Variants in NIT2 observed in about 807,000 individuals in gnomAD.
The protein encoded by NIT2 is nitrilase family member 2.
Under a neutral mutation model 42.7 loss-of-function variants are expected in NIT2, and 46 were observed. That is an observed-to-expected ratio of 1.08 (90% CI 0.85 to 1.38). The LOEUF is 1.38. Ranked by LOEUF, NIT2 falls within the 40% of genes most tolerant of loss-of-function variation. The probability of loss-of-function intolerance (pLI) is 0.00; values close to 1 mark genes in which losing one functional copy is unlikely to be tolerated. For missense variants in NIT2, 309 were observed against 342.5 expected (o/e 0.90, Z 0.77); for synonymous variants, 123 against 121.9 (o/e 1.01, Z -0.06).
chr3:100,339,187 C>A lies in NIT2; in HGVS notation c.108C>A (p.Ala36=). 1 of 1,611,724 alleles carries A rather than the reference C, an allele frequency of 6.2e-7. No individual in the cohort carries two copies. The highest frequency in any genetic ancestry group is 1.1e-5 in the South Asian group (1 of 91,018). ...TCCGGGAGGCAGCAACGCAAGGAGC[C>A]AAAATAGTTTCTTTGCCGGTCAGTA... The part of the protein sequence containing the change: ...SFIREAATQG[A]KIVSLPECFN... Residue 36 remains alanine, a synonymous_variant, in exon 2 of 10, where the codon GCC becomes GCA. Coordinates refer to ENST00000394140, the MANE Select transcript of NIT2 (RefSeq NM_020202.5).
At position 100,357,393 on chromosome 3, in the gene NIT2, A is replaced by T. The variant is rs1030683695; in HGVS notation, c.*2125A>T. On this transcript the variant is annotated 3_prime_UTR_variant, in exon 10 of 10. Transcript: ENST00000394140. ...AATAGAAAGTCTTACTGTAAAGCCC[A>T]CATCTGTATAAAAAAATGAAAGAAT... 2 of 152,150 alleles carry T rather than the reference A, an allele frequency of 1.3e-5. No homozygotes were observed. The highest frequency in any genetic ancestry group is 4.8e-5 in the African/African-American group (2 of 41,440). The allele number at this position is 152,150 out of a possible 1,614,324, so 9.4% of individuals were successfully genotyped here.
rs560429863 is a variant in NIT2, at chr3:100,355,250, G to A, written c.813G>A (p.Val271=). 2.5e-6 allele frequency: 4 copies of A among 1,613,696 alleles called. No individual in the cohort carries two copies. The Admixed American group carries it at 6.7e-5, about 27-fold the overall frequency. The change falls in exon 10 of 10, where the codon GTG becomes GTA. Residue 271 remains valine, a synonymous_variant. Transcript: ENST00000394140. ...FRQKRSDLYA[V]EMKKP ...AGAAGCGATCAGACCTCTATGCTGT[G>A]GAGATGAAAAAGCCCTAAAGTTTAT... is the stretch of plus-strand genomic sequence containing the variant.
Position 100,339,123 on chromosome 3 carries a change from C to T in NIT2, c.44C>T (p.Ser15Phe). ...RLALIQLQIS[S>F]IKSDNVTRAC... ...GCCCTCATCCAGCTTCAGATTTCTT[C>T]CATCAAATCAGATAACGTCACTCGC... Residue 15 changes from serine (S) to phenylalanine (F), a missense_variant, in exon 2 of 10, where the codon TCC becomes TTC. Transcript: ENST00000394140. 6.2e-7 allele frequency: 1 copy of T among 1,614,030 alleles called. No homozygotes were observed. Among genetic ancestry groups the T allele is most frequent in the Non-Finnish European group, 8.5e-7 (1 of 1,179,920 alleles).
intron 4 of NIT2, among the ~76,000 whole-genome samples, chr3:100,342,372 C>T (rs1287490722): frequency 6.6e-6 from 1 of 152,002 alleles, no homozygotes; most frequent in Admixed American, 6.6e-5. Context: ...ATATTTAATG[C>T]ACTTATTGAT....
chr3:100,335,753 C>G (rs925880179), intron 1 of NIT2, among the ~76,000 whole-genome samples: 4 of 152,194 alleles, frequency 2.6e-5, no homozygotes, highest in Non-Finnish European at 5.9e-5. Flanking sequence ...CCTGTAATCC[C>G]AACAGTTTGG....
chr3:100,342,613 G>A (rs1019691688), intron 4 of NIT2, among the ~76,000 whole-genome samples: 2 of 150,216 alleles, frequency 1.3e-5, no homozygotes, highest in African/African-American at 4.9e-5. Context: ...ATCATTTCAT[G>A]TGAAATTTAA....
In NIT2 at chr3:100,361,541, T is replaced by C. The variant is rs1471370649; in HGVS notation, c.*6273T>C. On this transcript the variant is annotated 3_prime_UTR_variant, in exon 10 of 10. Transcript: ENST00000394140. ...CCAGTGATCAGCAGGCCCTCCAGCA[T>C]GAAGACCTTTGAGAAGGATCTATAG... 1 of 152,262 alleles carries C rather than the reference T, an allele frequency of 6.6e-6. No homozygotes were observed. The highest frequency in any genetic ancestry group is 1.5e-5 in the Non-Finnish European group (1 of 68,066). 9.4% of individuals were successfully genotyped at this position (152,262 alleles called of 1,614,324 possible). A position where few individuals can be genotyped will look rare whatever the true frequency, so the allele number is the denominator to read the frequency against.
intron 1 of NIT2, among the ~76,000 whole-genome samples, chr3:100,335,400 C>T (rs1187258929): frequency 6.6e-6 from 1 of 152,154 alleles, no homozygotes; most frequent in East Asian, 1.9e-4. Context: ...TTGTTGTTTC[C>T]TTCGCTCACA....
At chr3:100,339,595 C>G (rs1457902152) in intron 2 of NIT2, among the ~76,000 whole-genome samples, 1 of 152,048 alleles carries the variant, frequency 6.6e-6, no homozygotes, top group African/African-American at 2.4e-5. Flanking sequence ...TCTGGGAGAA[C>G]ACCTGTGATT....
chr3:100,353,409 G>A (rs1221130211), intron 8 of NIT2, among the ~76,000 whole-genome samples: 1 of 152,188 alleles, frequency 6.6e-6, no homozygotes, highest in Non-Finnish European at 1.5e-5. Context: ...CTCAATGTGT[G>A]TGGTGGGGAG....
chr3:100,348,935 A>G, intron 7 of NIT2, 54 bp downstream of exon 7: 1 of 1,531,796 alleles, frequency 6.5e-7, no homozygotes, highest in Non-Finnish European at 9.0e-7. Flanking sequence ...TTGTAGAAAG[A>G]TTTCCGGTTG....
At chr3:100,348,610 G>A (rs1174385028) in intron 6 of NIT2, among the ~76,000 whole-genome samples, 193 bp from the exon 7 acceptor site, 2 of 152,166 alleles carry the variant, frequency 1.3e-5, no homozygotes, top group African/African-American at 4.8e-5. Context: ...CCATATGTGT[G>A]TGACTTACGT....
chr3:100,336,850 TA>T (rs1706081342), intron 1 of NIT2, among the ~76,000 whole-genome samples: 1 of 152,174 alleles, frequency 6.6e-6, no homozygotes, highest in Non-Finnish European at 1.5e-5. Context: ...CCTCTTGCAC[TA>T]ATCCTCCTCA....
In NIT2 at chr3:100,340,858, GA is replaced by G. The variant is rs959242535; in HGVS notation, c.248-205del. 5.4e-5 allele frequency among the ~76,000 whole-genome samples: 8 copies of G among 147,878 alleles called. No homozygotes were observed. In the East Asian group the frequency reaches 5.9e-4, roughly 11 times the overall value. ...TCTCTGAAAGATCATATTCAAGAAG[GA>G]AAAAAAAAACCATGATTAAGTAACC... is the stretch of plus-strand genomic sequence containing the variant. On this transcript the variant is annotated intron_variant, in intron 3 of 9. Coordinates refer to ENST00000394140, the MANE Select transcript of NIT2 (RefSeq NM_020202.5).
Position 100,356,102 on chromosome 3 carries a change from T to G in NIT2, c.*834T>G, listed in dbSNP as rs577703755. 4.6e-5 allele frequency: 7 copies of G among 152,386 alleles called. No homozygotes were observed. The highest frequency in any genetic ancestry group is 1.7e-4 in the African/African-American group (7 of 41,590). 9.4% of individuals were successfully genotyped at this position (152,386 alleles called of 1,614,324 possible). ...AGGGACTGAGCCAGGCGCAGTAGCA[T>G]GCGCCTGTAGTCCTAGCCACATTGG... is the stretch of plus-strand genomic sequence containing the variant. On this transcript the variant is annotated 3_prime_UTR_variant, in exon 10 of 10. Transcript: ENST00000394140.
In NIT2 at chr3:100,360,961, C is replaced by T. The variant is rs1288427946; in HGVS notation, c.*5693C>T. The stretch of plus-strand genomic sequence containing the variant: ...ATTAGATTTGGGCTGTGACGCAAAC[C>T]CACTGCATGTGCAGTATCCACCTAG... On this transcript the variant is annotated 3_prime_UTR_variant, in exon 10 of 10. Transcript: ENST00000394140. 6.6e-6 allele frequency: 1 copy of T among 152,276 alleles called. No homozygotes were observed. Among genetic ancestry groups the T allele is most frequent in the East Asian group, 1.9e-4 (1 of 5,192 alleles). 9.4% of individuals were successfully genotyped at this position (152,276 alleles called of 1,614,324 possible).
chr3:100,347,255 C>T (rs1706227289), intron 6 of NIT2, among the ~76,000 whole-genome samples: 1 of 151,932 alleles, frequency 6.6e-6, no homozygotes, highest in Admixed American at 6.6e-5. Context: ...ACCACCAGGC[C>T]CAGCTAATTT....
intron 4 of NIT2, among the ~76,000 whole-genome samples, chr3:100,344,959 C>T (rs60724444): frequency 0.019 from 2,608 of 136,752 alleles, 71 homozygotes; most frequent in African/African-American, 0.067. Context: ...TTTTTTTTTT[C>T]TTTTTTTTTT....
At chr3:100,350,388 G>A (rs1045073455) in intron 7 of NIT2, among the ~76,000 whole-genome samples, 4 of 152,208 alleles carry the variant, frequency 2.6e-5, no homozygotes, top group African/African-American at 7.2e-5. Flanking sequence ...TTGAGGTGGT[G>A]GGACTGCCAC....
Sources: allele counts gnomAD v4.1 joint callset (sites outside exome capture counted in the v4.1 genomes callset), GRCh38; gene constraint gnomAD v4.1.1; transcripts MANE v1.5; gene names NCBI Gene and HGNC (gene_info 2026-07-23, HGNC 2026-07-21).